IHO1: variants seen among roughly 807,000 people sequenced by gnomAD.
IHO1 encodes interactor of HORMAD1 1, also known as interactor of HORMAD1 protein 1.
A neutral mutation model predicts 31.0 loss-of-function variants in IHO1; 13 were observed. The ratio of observed to expected loss-of-function variants is 0.42; its 90% CI spans 0.27 to 0.67. The LOEUF is 0.67. IHO1 is among the 30% of genes least tolerant of loss of function. The probability of loss-of-function intolerance (pLI) is 0.24; values close to 1 mark genes in which losing one functional copy is unlikely to be tolerated. For synonymous variants in IHO1, 221 were observed against 248.4 expected (o/e 0.89, Z 1.04); for missense variants, 599 against 687.5 (o/e 0.87, Z 1.44).
chr3:49,225,150 C>T (rs1376207873), intron 2 of IHO1, among the ~76,000 whole-genome samples: 1 of 152,174 alleles, frequency 6.6e-6, no homozygotes, highest in African/African-American at 2.4e-5. Context: ...AAGAGCTATC[C>T]CTGCTCTCTC....
At chr3:49,225,687 T>G (rs1218009014) in intron 2 of IHO1, among the ~76,000 whole-genome samples, 1 of 152,124 alleles carries the variant, frequency 6.6e-6, no homozygotes, top group Non-Finnish European at 1.5e-5. Flanking sequence ...GAAAGACATG[T>G]GAAAAGAGCA....
At chr3:49,249,322 G>C (rs1202134488) in intron 6 of IHO1, among the ~76,000 whole-genome samples, 1 of 151,298 alleles carries the variant, frequency 6.6e-6, no homozygotes, top group Non-Finnish European at 1.5e-5. Context: ...CCAGGCTGAA[G>C]TGCAGTGGCG....
chr3:49,227,923 G>A (rs760848316), intron 2 of IHO1, among the ~76,000 whole-genome samples: 38 of 152,244 alleles, frequency 2.5e-4, no homozygotes, highest in African/African-American at 8.9e-4. Flanking sequence ...CCCCTACGAC[G>A]GAGCTTTGGG....
chr3:49,230,395 C>G (rs577206562), intron 2 of IHO1, among the ~76,000 whole-genome samples: 157 of 152,308 alleles, frequency 1.0e-3, no homozygotes, highest in Non-Finnish European at 1.9e-3. Flanking sequence ...TTTACTACCC[C>G]TTAGCTGAGC....
At chr3:49,208,817 C>T (rs1329336375) in intron 1 of IHO1, among the ~76,000 whole-genome samples, 4 of 152,226 alleles carry the variant, frequency 2.6e-5, no homozygotes, top group Non-Finnish European at 5.9e-5. Flanking sequence ...TCAAAATCCA[C>T]TACCAACAGA....
rs556844532 is a variant in IHO1 at position 49,201,515 on chromosome 3, C to T, written c.-16+1942C>T. ...GCACACGCCTGTAATCCCAGCTACT[C>T]GGGAGGCTGAGGCAGGAGAATCACT... On this transcript the variant is annotated intron_variant, in intron 1 of 7. Coordinates refer to ENST00000452691, the MANE Select transcript of IHO1 (RefSeq NM_001135197.2). Among the ~76,000 whole-genome samples, 10 of 152,040 alleles carry T rather than the reference C, an allele frequency of 6.6e-5. No individual in the cohort carries two copies. The South Asian group carries it at 1.9e-3, about 28-fold the overall frequency.
At chr3:49,236,005 C>T (rs930082827) in intron 2 of IHO1, among the ~76,000 whole-genome samples, 2 of 150,718 alleles carry the variant, frequency 1.3e-5, no homozygotes, top group Non-Finnish European at 2.9e-5. Context: ...ATTTGGGAGG[C>T]TGAGATGGGC....
chr3:49,235,725 C>T lies in IHO1; in HGVS notation c.57-823C>T, dbSNP rs187380341. ...AGCAGATTACCTGAGGTCAGGAGTT[C>T]GAGAGACCAGCCTGGCCAACATGGT... On this transcript the variant is annotated intron_variant, in intron 2 of 7. Coordinates refer to ENST00000452691, the MANE Select transcript of IHO1 (RefSeq NM_001135197.2). Among the ~76,000 whole-genome samples the T allele has an allele frequency of 6.0e-5, 9 of 150,762 alleles. No homozygotes were observed. The East Asian group carries it at 1.8e-3, about 30-fold the overall frequency.
At chr3:49,254,511 G>T (rs1191513820) in intron 6 of IHO1, among the ~76,000 whole-genome samples, 3 of 152,020 alleles carry the variant, frequency 2.0e-5, no homozygotes, top group Non-Finnish European at 4.4e-5. Context: ...TTCTGAGGAG[G>T]TGACTGCTGA....
Position 49,256,122 on chromosome 3 carries a change from C to G in IHO1, c.637-12C>G. The G allele has an allele frequency of 1.3e-6, 2 of 1,588,670 alleles. No homozygotes were observed. The highest frequency in any genetic ancestry group is 1.2e-5 in the South Asian group (1 of 86,442). On this transcript the variant is annotated splice_polypyrimidine_tract_variant and intron_variant, in intron 7 of 7. Transcript: ENST00000452691. This position sits in a 1 kb window ranked among gnomAD's most constrained non-coding sequence, Gnocchi z 4.6. ...TGTCCATCACTGTCTTTCTCACTGC[C>G]TCTCTCCCCAGAGACAAGGAGAGTT...
intron 6 of IHO1, among the ~76,000 whole-genome samples, chr3:49,255,060 C>T (rs1460723245): frequency 6.9e-6 from 1 of 145,092 alleles, no homozygotes; most frequent in Non-Finnish European, 1.5e-5. Context: ...TAGTCTCCGT[C>T]TCAAAAAAAA....
At chr3:49,252,994 T>A (rs962782485) in intron 6 of IHO1, among the ~76,000 whole-genome samples, 1 of 151,730 alleles carries the variant, frequency 6.6e-6, no homozygotes, top group African/African-American at 2.4e-5. Context: ...TGAGCTGAGA[T>A]TGCACTACTG....
chr3:49,253,629 G>C (rs2046788725), intron 6 of IHO1, among the ~76,000 whole-genome samples: 1 of 151,960 alleles, frequency 6.6e-6, no homozygotes, highest in Non-Finnish European at 1.5e-5. Context: ...TTCCCTTACA[G>C]TTTTATGACA....
intron 2 of IHO1, among the ~76,000 whole-genome samples, chr3:49,233,392 T>G (rs1187316319): frequency 6.6e-6 from 1 of 152,190 alleles, no homozygotes. Context: ...CTCTACAAAC[T>G]TGTCTTTGGA....
At chr3:49,250,873 T>C (rs1207786607) in intron 6 of IHO1, among the ~76,000 whole-genome samples, 1 of 151,784 alleles carries the variant, frequency 6.6e-6, no homozygotes, top group Non-Finnish European at 1.5e-5. Flanking sequence ...CTACTACAAA[T>C]ACAAAAATTA....
chr3:49,225,198 G>T (rs1007347237), intron 2 of IHO1, among the ~76,000 whole-genome samples: 3 of 152,202 alleles, frequency 2.0e-5, no homozygotes, highest in Non-Finnish European at 2.9e-5. Flanking sequence ...GGGCGCAGTG[G>T]CTCACGCCTG....
In IHO1 at chr3:49,257,311, G is replaced by C. The variant is rs769078636; in HGVS notation, c.*29G>C. Reference sequence around the variant, plus strand: ...GTCCACAGTTGATTTATTGGTCTCAGCTAGAAAGAGAAATTGCAGGACATT... The same window carrying C: ...GTCCACAGTTGATTTATTGGTCTCACCTAGAAAGAGAAATTGCAGGACATT... On this transcript the variant is annotated 3_prime_UTR_variant, in exon 8 of 8. Coordinates refer to ENST00000452691, the MANE Select transcript of IHO1 (RefSeq NM_001135197.2). 50 of 1,588,192 alleles carry C rather than the reference G, an allele frequency of 3.1e-5. No individual in the cohort carries two copies. The highest frequency in any genetic ancestry group is 3.9e-5 in the Non-Finnish European group (46 of 1,164,762).
chr3:49,236,351 G>A (rs537645983), intron 2 of IHO1, among the ~76,000 whole-genome samples, 197 bp from the exon 3 acceptor site: 22 of 152,302 alleles, frequency 1.4e-4, no homozygotes, highest in African/African-American at 4.8e-4. Flanking sequence ...CCATCTGGTT[G>A]TTCCCAGATA....
chr3:49,214,611 T>TATATATATATATAC (rs1553616590), intron 2 of IHO1, among the ~76,000 whole-genome samples: 1 of 27,070 alleles, frequency 3.7e-5, no homozygotes, highest in Admixed American at 5.0e-4. Flanking sequence ...CTAGATCATA[T>TATATATATATATAC]ATATATATAT....
Sources: gnomAD v4.1 joint callset for allele counts (sites outside exome capture counted in the v4.1 genomes callset) on GRCh38, gnomAD v4.1.1 for gene constraint, Gnocchi (gnomAD v3.1) non-coding constraint, MANE v1.5 for transcripts, NCBI Gene and HGNC (gene_info 2026-07-23, HGNC 2026-07-21) for gene names.